The following MORN1 variants were observed in gnomAD, a reference collection of about 807,000 sequenced individuals.
The protein encoded by MORN1 is MORN repeat-containing protein 1.
Under a neutral mutation model 61.9 loss-of-function variants are expected in MORN1, and 67 were observed. The observed-to-expected ratio is 1.08, with a 90% confidence interval of 0.89 to 1.33. The LOEUF is 1.33. Ranked by LOEUF, MORN1 falls within the 40% of genes most tolerant of loss-of-function variation. The pLI is 0.00. For missense variants in MORN1, 752 were observed against 691.2 expected (o/e 1.09, Z -0.99); for synonymous variants, 301 against 292.0 (o/e 1.03, Z -0.31).
intron 10 of MORN1, among the ~76,000 whole-genome samples, chr1:2,346,035 A>G (rs549690360): frequency 5.3e-5 from 8 of 150,930 alleles, no homozygotes; most frequent in African/African-American, 1.9e-4. Context: ...TTCCTCAGAC[A>G]AAGCCACCAG....
chr1:2,379,993 G>C (rs535931589), intron 6 of MORN1, among the ~76,000 whole-genome samples: 9 of 152,352 alleles, frequency 5.9e-5, no homozygotes, highest in African/African-American at 1.9e-4. Flanking sequence ...TCCACCCACA[G>C]ATGGGCAGAG....
chr1:2,335,274 G>A (rs1156362702), intron 12 of MORN1, among the ~76,000 whole-genome samples: 2 of 152,184 alleles, frequency 1.3e-5, no homozygotes, highest in South Asian at 2.1e-4. Context: ...GAGCTCCACC[G>A]GTGGGCCTGT....
At chr1:2,321,891 A>G (rs1416766408) in intron 13 of MORN1, 5 of 509,376 alleles carry the variant, frequency 9.8e-6, no homozygotes, top group Non-Finnish European at 1.0e-5. Flanking sequence ...CGACCCTCGC[A>G]TGGTGGCCGC....
At chr1:2,362,782 T>C (rs1641917498) in intron 8 of MORN1, among the ~76,000 whole-genome samples, 1 of 152,002 alleles carries the variant, frequency 6.6e-6, no homozygotes, top group South Asian at 2.1e-4. Context: ...GAGAATTGCT[T>C]GAACCTGGGA....
At chr1:2,374,392 C>T in intron 7 of MORN1, 69 bp downstream of exon 7, 1 of 1,406,532 alleles carries the variant, frequency 7.1e-7, no homozygotes, top group Non-Finnish European at 9.8e-7. Context: ...TCCCATATGG[C>T]TGCCCGGGGG....
chr1:2,385,778 C>T, intron 5 of MORN1, 29 bp downstream of exon 5: 1 of 1,600,172 alleles, frequency 6.2e-7, no homozygotes, highest in Non-Finnish European at 8.6e-7. Context: ...TGTCATGCGC[C>T]AGGCAGTACC....
intron 13 of MORN1, among the ~76,000 whole-genome samples, chr1:2,321,826 C>T (rs765174142): frequency 9.2e-5 from 14 of 152,196 alleles, no homozygotes; most frequent in Admixed American, 3.3e-4. Flanking sequence ...CCACCTCTGA[C>T]CTCAGGCCAC....
At position 2,336,841 on chromosome 1, in the gene MORN1, T is replaced by C. The variant is rs200296371; in HGVS notation, c.1046A>G (p.His349Arg). The C allele has an allele frequency of 1.6e-4, 254 of 1,571,244 alleles. 1 individual carries two copies. The East Asian group carries it at 3.1e-3, about 19-fold the overall frequency. ...DTPGGLLARG[H>R]APHCPGACQR... is the part of the protein sequence containing the mutation. ...ACAGGCCCCGGGACAATGGGGCGCA[T>C]GTCCCCTGGCTGAGGAGACAGAATG... is the stretch of plus-strand genomic sequence containing the variant. Residue 349 changes from histidine (H) to arginine (R), a missense_variant, in exon 11 of 14, where the codon CAT (histidine) becomes CGT (arginine). Transcript: ENST00000378531.
chr1:2,370,496 C>T (rs762756419), intron 8 of MORN1, among the ~76,000 whole-genome samples: 1 of 152,036 alleles, frequency 6.6e-6, no homozygotes, highest in Non-Finnish European at 1.5e-5. Context: ...AACTGGACTT[C>T]AGCAAAATGA....
At chr1:2,342,876 A>ATTTTATT (rs1641430448) in intron 10 of MORN1, among the ~76,000 whole-genome samples, 3 of 91,470 alleles carry the variant, frequency 3.3e-5, no homozygotes, top group Non-Finnish European at 7.6e-5. Context: ...TATTTATTTT[A>ATTTTATT]TTTTATTTTA....
In MORN1 at chr1:2,346,426, C is replaced by T. The variant is rs1641516846; in HGVS notation, c.1037-9576G>A. Among the ~76,000 whole-genome samples, 4 of 152,344 alleles carry T rather than the reference C, an allele frequency of 2.6e-5. No individual in the cohort carries two copies. The South Asian group carries it at 8.3e-4, about 32-fold the overall frequency. The stretch of plus-strand genomic sequence containing the variant: ...TTTGAGACAAAGTCTCGCTCTGTCG[C>T]CCAGGATGGAGTGCCGTGGCGCATT... On this transcript the variant is annotated intron_variant, in intron 10 of 13. Transcript: ENST00000378531.
At chr1:2,366,021 T>C (rs7366927) in intron 8 of MORN1, among the ~76,000 whole-genome samples, 72,715 of 140,928 alleles carry the variant, frequency 0.52, 18,954 homozygotes, top group Admixed American at 0.63. Context: ...TAAAGACACA[T>C]GCACACGTAT....
intron 13 of MORN1, 86 bp downstream of exon 13, chr1:2,324,011 C>G (rs1447301550): frequency 3.3e-6 from 5 of 1,492,600 alleles, no homozygotes; most frequent in Non-Finnish European, 3.6e-6. Context: ...CCGAGTTCCC[C>G]CAACCCCACC....
chr1:2,325,157 C>CTTCCTTCCT (rs1349026292), intron 12 of MORN1, among the ~76,000 whole-genome samples: 3 of 81,466 alleles, frequency 3.7e-5, no homozygotes, highest in African/African-American at 1.3e-4. Context: ...CCTTCCTTCC[C>CTTCCTTCCT]TCCCTTCCTT....
At chr1:2,335,926 C>T (rs1029025949) in intron 12 of MORN1, among the ~76,000 whole-genome samples, 8 of 151,284 alleles carry the variant, frequency 5.3e-5, no homozygotes, top group African/African-American at 2.0e-4. Flanking sequence ...CGAGCCCCAG[C>T]TTCCTCCTGG....
intron 6 of MORN1, among the ~76,000 whole-genome samples, chr1:2,384,325 GCT>G (rs563118874): frequency 1.3e-5 from 2 of 152,286 alleles, no homozygotes; most frequent in Admixed American, 6.5e-5. Flanking sequence ...CCTGAAATTT[GCT>G]CTCTGCACTC....
At position 2,385,942 on chromosome 1, in the gene MORN1, T is replaced by A. The variant is rs747617939; in HGVS notation, c.359-45A>T. On this transcript the variant is annotated intron_variant, in intron 4 of 13. Coordinates refer to ENST00000378531, the MANE Select transcript of MORN1 (RefSeq NM_024848.3). The stretch of plus-strand genomic sequence containing the variant: ...ACAGACTTGGCTTTGTGCCTCCTCC[T>A]GCATCTGAGAAGGGATCTGCCCTCC... 8 of 1,537,878 alleles carry A rather than the reference T, an allele frequency of 5.2e-6. No individual in the cohort carries two copies. The South Asian group carries it at 8.9e-5, about 17-fold the overall frequency.
In MORN1 at chr1:2,321,377, G is replaced by A. The variant is rs374804207; in HGVS notation, c.*6C>T. 313 of 1,506,078 alleles carry A rather than the reference G, an allele frequency of 2.1e-4. No homozygotes were observed. In the African/African-American group the frequency reaches 2.5e-3, roughly 12 times the overall value. The allele number at this position is 1,506,078 out of a possible 1,614,324, so 93.3% of individuals were successfully genotyped here. On this transcript the variant is annotated 3_prime_UTR_variant, in exon 14 of 14. Transcript: ENST00000378531. ...CACCGAGGTGGCCTCCTGTGGACAC[G>A]GGGCCTCACCGAGGCGCTGGCGGCT...
intron 10 of MORN1, among the ~76,000 whole-genome samples, chr1:2,340,412 G>A (rs1641370620): frequency 6.6e-6 from 1 of 151,854 alleles, no homozygotes; most frequent in Non-Finnish European, 1.5e-5. Context: ...TGAGGGGCCT[G>A]CCCTGCCCCT....
Sources: gnomAD v4.1 joint callset for allele counts (sites outside exome capture counted in the v4.1 genomes callset) on GRCh38, gnomAD v4.1.1 for gene constraint, MANE v1.5 for transcripts, NCBI Gene and HGNC (gene_info 2026-07-23, HGNC 2026-07-21) for gene names.